Variants in MBD5 observed in about 807,000 individuals in gnomAD.
MBD5 encodes methyl-CpG-binding domain protein 5.
MBD5 carries 13 observed loss-of-function variants against 117.3 expected under a neutral mutation model. The ratio of observed to expected loss-of-function variants is 0.11; its 90% CI spans 0.07 to 0.18. The LOEUF (loss-of-function observed/expected upper bound fraction) is 0.18, where lower values mean the gene tolerates loss of function less well. Among genes scored for constraint, MBD5 ranks in the 10% least tolerant of loss-of-function variants. MBD5 has a pLI of 1.00. For synonymous variants in MBD5, 727 were observed against 766.4 expected (o/e 0.95, Z 0.85); for missense variants, 1,879 against 2,093.8 (o/e 0.90, Z 2.00).
intron 1 of MBD5, among the ~76,000 whole-genome samples, chr2:148,037,435 C>T (rs1000366636): frequency 6.6e-6 from 1 of 151,778 alleles, no homozygotes; most frequent in Non-Finnish European, 1.5e-5. Context: ...GTAATTAAAC[C>T]ACTTTAAATG....
intron 3 of MBD5, among the ~76,000 whole-genome samples, chr2:148,258,238 T>C (rs1700637672): frequency 6.6e-6 from 1 of 152,114 alleles, no homozygotes; most frequent in Admixed American, 6.6e-5. Flanking sequence ...CCATGTAAAA[T>C]GTCCACCCCC....
chr2:148,399,889 T>C (rs1704861840), intron 4 of MBD5, among the ~76,000 whole-genome samples: 1 of 152,214 alleles, frequency 6.6e-6, no homozygotes, highest in African/African-American at 2.4e-5. Context: ...GTCGAAGGCC[T>C]TTTCTGCATC....
chr2:148,146,280 G>A (rs968756701), intron 1 of MBD5, among the ~76,000 whole-genome samples: 1 of 151,924 alleles, frequency 6.6e-6, no homozygotes, highest in Admixed American at 6.6e-5. Flanking sequence ...GTTTTTTTGA[G>A]ACAGGGTCTT....
chr2:148,497,366 A>C (rs1662529674), intron 11 of MBD5, among the ~76,000 whole-genome samples: 3 of 152,134 alleles, frequency 2.0e-5, no homozygotes, highest in African/African-American at 7.2e-5. Context: ...TCTAATGTAA[A>C]CTTATATGAA....
At position 148,513,092 on chromosome 2, in the gene MBD5, C is replaced by A. The variant is rs1003651684; in HGVS notation, c.*151C>A. On this transcript the variant is annotated 3_prime_UTR_variant, in exon 14 of 14. Coordinates refer to ENST00000642680, the MANE Select transcript of MBD5 (RefSeq NM_001378120.1). ...CAGGGTGCTAAAAGAAACAGTGATA[C>A]AAAATTTTTTTGATCAGGAAGGATA... The A allele has an allele frequency of 1.3e-6, 1 of 796,720 alleles. No individual in the cohort carries two copies. The highest frequency in any genetic ancestry group is 2.4e-5 in the Admixed American group (1 of 41,970). The allele number at this position is 796,720 out of a possible 1,614,324, so 49.4% of individuals were successfully genotyped here.
At chr2:148,239,686 T>TACACACACACACAC (rs34980624) in intron 3 of MBD5, among the ~76,000 whole-genome samples, 4,781 of 141,438 alleles carry the variant, frequency 0.034, 136 homozygotes, top group Admixed American at 0.069. Flanking sequence ...TTTATTTACT[T>TACACACACACACAC]ACACACACAC....
At chr2:148,485,593 T>G in intron 9 of MBD5, 149 bp from the exon 10 acceptor site, 1 of 655,668 alleles carries the variant, frequency 1.5e-6, no homozygotes, top group Non-Finnish European at 2.7e-6. Flanking sequence ...TCCTTACCAC[T>G]TAGTAAGACT....
chr2:148,369,963 C>A (rs1464161490), intron 4 of MBD5, among the ~76,000 whole-genome samples: 1 of 152,074 alleles, frequency 6.6e-6, no homozygotes, highest in Non-Finnish European at 1.5e-5. Context: ...CCCCACCTAC[C>A]ATACATTTAC....
At position 148,275,506 on chromosome 2, in the gene MBD5, A is replaced by G. The variant is rs558749208; in HGVS notation, c.-680+42111A>G. Reference sequence around the variant, plus strand: ...GGAAATTTCTGCAGGAGGGAATATTAAAGTCTTGTATCCCAAAGCAGTCTA... The same window carrying G: ...GGAAATTTCTGCAGGAGGGAATATTGAAGTCTTGTATCCCAAAGCAGTCTA... On this transcript the variant is annotated intron_variant, in intron 3 of 13. Coordinates refer to ENST00000642680, the MANE Select transcript of MBD5 (RefSeq NM_001378120.1). 3.3e-5 allele frequency among the ~76,000 whole-genome samples: 5 copies of G among 152,316 alleles called. No homozygotes were observed. In the East Asian group the frequency reaches 7.7e-4, roughly 23 times the overall value.
At chr2:148,328,985 T>A (rs931592315) in intron 3 of MBD5, among the ~76,000 whole-genome samples, 4 of 152,254 alleles carry the variant, frequency 2.6e-5, no homozygotes, top group African/African-American at 9.6e-5. Flanking sequence ...TTTAAAATTC[T>A]TAATTGAATA....
intron 1 of MBD5, among the ~76,000 whole-genome samples, chr2:148,113,963 A>C (rs1696559827): frequency 6.6e-6 from 1 of 152,124 alleles, no homozygotes; most frequent in African/African-American, 2.4e-5. Context: ...TATTGTGAAC[A>C]TCTTTCTAGG....
chr2:148,207,744 A>T (rs1699322596), intron 2 of MBD5, among the ~76,000 whole-genome samples: 1 of 151,868 alleles, frequency 6.6e-6, no homozygotes, highest in African/African-American at 2.4e-5. Flanking sequence ...TGACACGATT[A>T]TATACCTGCG....
intron 5 of MBD5, among the ~76,000 whole-genome samples, chr2:148,462,354 A>T (rs1486227882): frequency 6.6e-6 from 1 of 152,152 alleles, no homozygotes; most frequent in East Asian, 1.9e-4. Context: ...CTTTTATTTA[A>T]TTTTCTATGA....
chr2:148,052,619 A>G (rs894342013), intron 1 of MBD5, among the ~76,000 whole-genome samples: 5 of 151,986 alleles, frequency 3.3e-5, no homozygotes, highest in African/African-American at 1.2e-4. Context: ...ATTTATCTCA[A>G]AGTATATCTA....
At chr2:148,358,379 T>A (rs1038609430) in intron 4 of MBD5, among the ~76,000 whole-genome samples, 5 of 152,118 alleles carry the variant, frequency 3.3e-5, no homozygotes, top group Non-Finnish European at 5.9e-5. Context: ...ACAGGAGGGA[T>A]ATAATTAGTA....
At chr2:148,407,365 TG>T (rs1705114155) in intron 4 of MBD5, among the ~76,000 whole-genome samples, 1 of 151,856 alleles carries the variant, frequency 6.6e-6, no homozygotes, top group African/African-American at 2.4e-5. Context: ...TGTGTGTGTG[TG>T]TGTTTGTGTG....
intron 2 of MBD5, among the ~76,000 whole-genome samples, chr2:148,188,653 A>G (rs570535873): frequency 6.8e-6 from 1 of 146,854 alleles, no homozygotes; most frequent in Non-Finnish European, 1.5e-5. Flanking sequence ...ACTGCACTGT[A>G]GCCTGGGCAA....
intron 1 of MBD5, among the ~76,000 whole-genome samples, chr2:148,079,412 G>A (rs1018699480): frequency 2.0e-5 from 3 of 152,134 alleles, no homozygotes; most frequent in Non-Finnish European, 4.4e-5. Flanking sequence ...ACAAACTAGA[G>A]AAAGTGAAGC....
chr2:148,285,830 A>T (rs1047398142), intron 3 of MBD5, among the ~76,000 whole-genome samples: 1 of 152,186 alleles, frequency 6.6e-6, no homozygotes, highest in Non-Finnish European at 1.5e-5. Context: ...AAGTGCCGGG[A>T]TTACAGGTGT....
Sources: allele counts gnomAD v4.1 joint callset (sites outside exome capture counted in the v4.1 genomes callset), GRCh38; gene constraint gnomAD v4.1.1; transcripts MANE v1.5; gene names NCBI Gene and HGNC (gene_info 2026-07-23, HGNC 2026-07-21).